CYP3A4: variants seen among roughly 807,000 people sequenced by gnomAD.
The protein encoded by CYP3A4 is cytochrome P450 3A4.
In CYP3A4, 41 loss-of-function variants were observed where a neutral mutation model predicts 54.9. The ratio of observed to expected loss-of-function variants is 0.75; its 90% CI spans 0.58 to 0.97. The LOEUF (loss-of-function observed/expected upper bound fraction) is 0.97. CYP3A4 is among the 50% of genes least tolerant of loss of function. The probability of loss-of-function intolerance (pLI) is 0.00; values close to 1 mark genes in which losing one functional copy is unlikely to be tolerated. For missense variants in CYP3A4, 510 were observed against 597.3 expected (o/e 0.85, Z 1.52); for synonymous variants, 179 against 205.2 (o/e 0.87, Z 1.09).
In CYP3A4 at chr7:99,758,059, C is replaced by A; in HGVS notation, c.*74G>T. 1 of 1,228,072 alleles carries A rather than the reference C, an allele frequency of 8.1e-7. No homozygotes were observed. The highest frequency in any genetic ancestry group is 1.2e-5 in the South Asian group (1 of 82,588). The allele number at this position is 1,228,072 out of a possible 1,614,324, so 76.1% of individuals were successfully genotyped here. On this transcript the variant is annotated 3_prime_UTR_variant, in exon 13 of 13. Coordinates refer to ENST00000651514, the MANE Select transcript of CYP3A4 (RefSeq NM_017460.6). ...CATCTTCATTTCAGAGTTCTATTCA[C>A]AAAGTAATTTGAGGTCTCTGGTGTT...
intron 4 of CYP3A4, among the ~76,000 whole-genome samples, chr7:99,772,353 A>T (rs917511156): frequency 5.3e-5 from 8 of 152,200 alleles, no homozygotes; most frequent in African/African-American, 1.9e-4. Flanking sequence ...AAGCTGGTGA[A>T]ATCTGAATAA....
chr7:99,777,003 CAG>C (rs1257758003), intron 3 of CYP3A4, among the ~76,000 whole-genome samples: 4 of 152,038 alleles, frequency 2.6e-5, no homozygotes, highest in Non-Finnish European at 5.9e-5. Flanking sequence ...AATAACAAAA[CAG>C]AATGAAAAGT....
At chr7:99,772,508 G>A in intron 4 of CYP3A4, 82 bp downstream of exon 4, 8 of 1,565,094 alleles carry the variant, frequency 5.1e-6, no homozygotes, top group Non-Finnish European at 6.1e-6. Context: ...ACATTTTTTA[G>A]GCAACTGTCT....
chr7:99,761,938 C>A, intron 11 of CYP3A4, 103 bp downstream of exon 11: 1 of 1,043,160 alleles, frequency 9.6e-7, no homozygotes, highest in Non-Finnish European at 1.5e-6. Context: ...AAAATACAAG[C>A]AAATAATTAT....
intron 10 of CYP3A4, among the ~76,000 whole-genome samples, chr7:99,762,491 C>T (rs1327821905): frequency 1.3e-5 from 2 of 151,842 alleles, no homozygotes. Flanking sequence ...TTCGGGAAGG[C>T]TCTCACCCCA....
At chr7:99,766,257 A>G (rs1815473443) in intron 9 of CYP3A4, 120 bp downstream of exon 9, 3 of 1,193,104 alleles carry the variant, frequency 2.5e-6, no homozygotes, top group Non-Finnish European at 3.6e-6. Context: ...ACATTCAAAC[A>G]TGTGTCGTTC....
intron 10 of CYP3A4, 132 bp downstream of exon 10, chr7:99,763,723 A>T (rs1815399997): frequency 1.6e-6 from 2 of 1,257,636 alleles, no homozygotes; most frequent in Admixed American, 5.7e-5. Context: ...TTCTTTTCAG[A>T]GCCTTCCTAC....
At chr7:99,779,929 T>A in intron 2 of CYP3A4, 63 bp downstream of exon 2, 1 of 1,482,706 alleles carries the variant, frequency 6.7e-7, no homozygotes, top group South Asian at 1.1e-5. Flanking sequence ...GCATTTTTAC[T>A]GATGGAACTA....
intron 6 of CYP3A4, 65 bp from the exon 7 acceptor site, chr7:99,768,567 C>A (rs1815542585): frequency 1.2e-6 from 2 of 1,610,986 alleles, no homozygotes; most frequent in South Asian, 2.2e-5. Context: ...TCTATGCATG[C>A]AACAGGAAAC....
intron 9 of CYP3A4, among the ~76,000 whole-genome samples, chr7:99,765,566 A>T (rs182623400): frequency 2.7e-4 from 41 of 152,358 alleles, no homozygotes; most frequent in African/African-American, 8.7e-4. Context: ...GGATGTAGAC[A>T]TGGATATATT....
Position 99,762,098 on chromosome 7 carries a change from T to C in CYP3A4, c.1196A>G (p.Tyr399Cys), listed in dbSNP as rs1205586327. 2 of 1,613,994 alleles carry C rather than the reference T, an allele frequency of 1.2e-6. No homozygotes were observed. The highest frequency in any genetic ancestry group is 1.7e-6 in the Non-Finnish European group (2 of 1,179,976). The change falls in exon 11 of 13, where the codon TAT (tyrosine) becomes TGT (cysteine). Residue 399 changes from tyrosine (Y) to cysteine (C), a missense_variant. Physicochemically the swap from Tyr to Cys is radical, Grantham distance 194. Transcript: ENST00000651514. ...PKGVVVMIPS[Y>C]ALHRDPKYWT... The stretch of plus-strand genomic sequence containing the variant: ...GTACTTTGGGTCACGGTGAAGAGCA[T>C]AGCTTGGAATCATCACCACCACCCC...
At chr7:99,766,569 G>A in intron 8 of CYP3A4, 126 bp from the exon 9 acceptor site, 5 of 1,166,172 alleles carry the variant, frequency 4.3e-6, no homozygotes, top group Non-Finnish European at 6.2e-6. Context: ...TCTGATGCAT[G>A]TTGCCTGAAT....
chr7:99,770,640 C>A (rs1437614036), intron 4 of CYP3A4, among the ~76,000 whole-genome samples: 1 of 152,104 alleles, frequency 6.6e-6, no homozygotes, highest in East Asian at 1.9e-4. Flanking sequence ...TTGCCTCAGA[C>A]AAGCTGTCTT....
At chr7:99,764,391 C>A (rs1815424213) in intron 9 of CYP3A4, among the ~76,000 whole-genome samples, 1 of 152,110 alleles carries the variant, frequency 6.6e-6, no homozygotes, top group Non-Finnish European at 1.5e-5. Flanking sequence ...GTAGTACTCT[C>A]CCCCAAGAAA....
intron 11 of CYP3A4, among the ~76,000 whole-genome samples, chr7:99,761,446 T>C (rs571505142): frequency 6.6e-6 from 1 of 152,228 alleles, no homozygotes; most frequent in South Asian, 2.1e-4. Flanking sequence ...TTTCTAATTC[T>C]CCTCCTTCTC....
rs779231582 is a variant in CYP3A4, at chr7:99,767,225, A to G, written c.704T>C (p.Val235Ala). 1.2e-6 allele frequency: 2 copies of G among 1,605,424 alleles called. No individual in the cohort carries two copies. Among genetic ancestry groups the G allele is most frequent in the African/African-American group, 2.7e-5 (2 of 74,550 alleles). Reference protein sequence around the residue: ...VFPFLIPILEVLNICVFPREV... With the variant: ...VFPFLIPILEALNICVFPREV... ...TCTTGGAAACACACAGATATTTAAT[A>G]CTTCAAGAATTGGGATGAGGAATGG... is the stretch of plus-strand genomic sequence containing the variant. Residue 235 changes from valine (V) to alanine (A), a missense_variant, in exon 8 of 13, where the codon GTA (valine) becomes GCA (alanine). Val to Ala is a moderately conservative substitution (Grantham distance 64, BLOSUM62 0). Transcript: ENST00000651514.
intron 4 of CYP3A4, among the ~76,000 whole-genome samples, chr7:99,770,474 T>C (rs1194660473): frequency 1.3e-5 from 2 of 152,172 alleles, no homozygotes; most frequent in Non-Finnish European, 2.9e-5. Flanking sequence ...TGATGTCGTC[T>C]CCAGCCTCTA....
intron 12 of CYP3A4, among the ~76,000 whole-genome samples, chr7:99,760,414 G>C (rs1815288909): frequency 6.6e-6 from 1 of 152,222 alleles, no homozygotes; most frequent in Admixed American, 6.6e-5. Flanking sequence ...TGTACAGCTA[G>C]TGGTTGGGAG....
At position 99,779,988 on chromosome 7, in the gene CYP3A4, T is replaced by G. The variant is rs1220296454; in HGVS notation, c.165+4A>C. 6.2e-7 allele frequency: 1 copy of G among 1,611,166 alleles called. No individual in the cohort carries two copies. The highest frequency in any genetic ancestry group is 8.5e-7 in the Non-Finnish European group (1 of 1,177,658). ...AGCAAAAGAGTGAGCTCAAAAACAC[T>G]CACCTTATGGTAGGACAAAATATTT... On this transcript the variant is annotated splice_donor_region_variant and intron_variant, in intron 2 of 12. Transcript: ENST00000651514.
Sources: gnomAD v4.1 joint callset for allele counts (sites outside exome capture counted in the v4.1 genomes callset) on GRCh38, gnomAD v4.1.1 for gene constraint, MANE v1.5 for transcripts, NCBI Gene and HGNC (gene_info 2026-07-23, HGNC 2026-07-21) for gene names.